CDC123: variants seen among roughly 807,000 people sequenced by gnomAD.
CDC123 encodes translation initiation factor eIF2 assembly protein.
CDC123 carries 37 observed loss-of-function variants against 54.4 expected under a neutral mutation model. That is an observed-to-expected ratio of 0.68 (90% confidence interval 0.52 to 0.89). The LOEUF (loss-of-function observed/expected upper bound fraction) is 0.89, where lower values mean the gene tolerates loss of function less well. CDC123 is among the 40% of genes least tolerant of loss of function. The pLI, the probability that CDC123 is intolerant of heterozygous loss-of-function variation, is 0.00. For synonymous variants in CDC123, 144 were observed against 136.8 expected, an observed-to-expected ratio of 1.05 and a Z score of -0.37; for missense variants, 361 against 412.1, an observed-to-expected ratio of 0.88 and a Z score of 1.07.
Position 12,196,307 on chromosome 10 carries a change from T to TTACCATCAAG in CDC123, c.63_72dup (p.Ser25TyrfsTer20). Reference sequence around the variant, plus strand: ...GCGTGGTACCCGTTCTTCCGAGGCGTTACCATCAAGAGGTGAGATGGGAGG... The same window carrying TTACCATCAAG: ...GCGTGGTACCCGTTCTTCCGAGGCGTTACCATCAAGTACCATCAAGAGGTGAGATGGGAGG... On this transcript the variant is annotated frameshift_variant, in exon 1 of 13. Transcript: ENST00000281141. LOFTEE classifies it high-confidence loss of function. The TTACCATCAAG allele has an allele frequency of 6.2e-7, 1 of 1,613,024 alleles. No homozygotes were observed. Among genetic ancestry groups the TTACCATCAAG allele is most frequent in the Non-Finnish European group, 8.5e-7 (1 of 1,179,450 alleles).
chr10:12,229,558 C>T (rs1835871239), intron 6 of CDC123, among the ~76,000 whole-genome samples: 1 of 152,204 alleles, frequency 6.6e-6, no homozygotes, highest in South Asian at 2.1e-4. Flanking sequence ...ACTACCACTC[C>T]CCTCCGACAC....
chr10:12,221,488 C>G (rs1456561448), intron 6 of CDC123, among the ~76,000 whole-genome samples: 1 of 152,172 alleles, frequency 6.6e-6, no homozygotes, highest in Non-Finnish European at 1.5e-5. Flanking sequence ...TCCTGGAGGC[C>G]TCCTGGGAGA....
chr10:12,210,632 A>G (rs1835584842), intron 4 of CDC123, among the ~76,000 whole-genome samples: 3 of 152,180 alleles, frequency 2.0e-5, no homozygotes, highest in Non-Finnish European at 4.4e-5. Flanking sequence ...TGAGATTCCT[A>G]AATCTCTGGA....
chr10:12,247,726 A>G (rs1836174594), intron 11 of CDC123: 1 of 152,250 alleles, frequency 6.6e-6, no homozygotes, highest in African/African-American at 2.4e-5. Flanking sequence ...TCCTGAAACA[A>G]CTTTGTAGTG....
chr10:12,226,575 G>C (rs1049250372), intron 6 of CDC123, among the ~76,000 whole-genome samples: 11 of 151,292 alleles, frequency 7.3e-5, no homozygotes, highest in Non-Finnish European at 1.5e-4. Flanking sequence ...TCAGTTCCCA[G>C]ACAGCGTCGC....
intron 6 of CDC123, among the ~76,000 whole-genome samples, chr10:12,225,678 T>G (rs1239979958): frequency 6.6e-6 from 1 of 150,952 alleles, no homozygotes; most frequent in East Asian, 2.0e-4. Context: ...TGCCATTTAC[T>G]GCTGAGGCAA....
chr10:12,226,199 T>C (rs952122066), intron 6 of CDC123, among the ~76,000 whole-genome samples: 11 of 152,230 alleles, frequency 7.2e-5, no homozygotes, highest in African/African-American at 9.6e-5. Flanking sequence ...TTCTCTTTCC[T>C]TTCCCCACAC....
chr10:12,235,035 C>G lies in CDC123; in HGVS notation c.490-13C>G. 6.2e-7 allele frequency: 1 copy of G among 1,609,228 alleles called. No individual in the cohort carries two copies. The highest frequency in any genetic ancestry group is 8.5e-7 in the Non-Finnish European group (1 of 1,176,370). ...AGGTGTGTTATATTAAATATTTTTTCTTTTGTTTACAGCTCGTTCTCCGAA... is the reference window on the plus strand; with the variant it reads ...AGGTGTGTTATATTAAATATTTTTTGTTTTGTTTACAGCTCGTTCTCCGAA... On this transcript the variant is annotated splice_polypyrimidine_tract_variant and intron_variant, in intron 7 of 12. Coordinates refer to ENST00000281141, the MANE Select transcript of CDC123 (RefSeq NM_006023.3).
At chr10:12,226,093 A>C (rs1326683499) in intron 6 of CDC123, among the ~76,000 whole-genome samples, 1 of 152,156 alleles carries the variant, frequency 6.6e-6, no homozygotes, top group Non-Finnish European at 1.5e-5. Context: ...GTTATAGATT[A>C]ACAGCATCCC....
Position 12,235,130 on chromosome 10 carries a change from T to TTTTG in CDC123, c.565+23_565+26dup, listed in dbSNP as rs752968586. On this transcript the variant is annotated splice_region_variant and intron_variant, in intron 8 of 12. Coordinates refer to ENST00000281141, the MANE Select transcript of CDC123 (RefSeq NM_006023.3). ...AAGGAAAACAAGCTTATTGGTGAGT[T>TTTTG]TTTGTTTGTTTGTTTGTTTTATCCT... The TTTTG allele has an allele frequency of 6.8e-6, 11 of 1,606,038 alleles. No homozygotes were observed. The highest frequency in any genetic ancestry group is 2.8e-5 in the African/African-American group (2 of 72,242).
intron 2 of CDC123, 161 bp downstream of exon 2, chr10:12,198,937 A>G (rs1347878774): frequency 1.8e-6 from 1 of 543,758 alleles, no homozygotes; most frequent in Non-Finnish European, 3.3e-6. Context: ...TGTTCACTTA[A>G]TATTTTCAAC....
At chr10:12,247,860 CG>C (rs1438021826) in intron 11 of CDC123, 1 of 152,004 alleles carries the variant, frequency 6.6e-6, no homozygotes, top group Non-Finnish European at 1.5e-5. Flanking sequence ...AAAAATTAGC[CG>C]GGCGTGGTGG....
chr10:12,210,426 C>G, intron 4 of CDC123, 104 bp downstream of exon 4: 1 of 1,346,994 alleles, frequency 7.4e-7, no homozygotes, highest in Non-Finnish European at 1.0e-6. Context: ...AGTCAGTCAC[C>G]ATCTCATATA....
At chr10:12,215,895 C>A in intron 5 of CDC123, 60 bp downstream of exon 5, 1 of 1,072,400 alleles carries the variant, frequency 9.3e-7, no homozygotes, top group Non-Finnish European at 1.4e-6. Flanking sequence ...CTGTTTATTT[C>A]ATTTCATATC....
chr10:12,228,781 G>T (rs186683763), intron 6 of CDC123, among the ~76,000 whole-genome samples: 2 of 152,284 alleles, frequency 1.3e-5, no homozygotes, highest in East Asian at 3.9e-4. Flanking sequence ...TGTTGGTTAG[G>T]CTGGTCTCGA....
At chr10:12,237,466 A>T (rs565192438) in intron 9 of CDC123, 200 bp downstream of exon 9, 22 of 341,774 alleles carry the variant, frequency 6.4e-5, no homozygotes, top group African/African-American at 4.6e-4. Flanking sequence ...AGACAGTCTT[A>T]CTCTGTCAGC....
intron 7 of CDC123, 26 bp from the exon 8 acceptor site, chr10:12,235,021 AT>A (rs1463673487): frequency 6.3e-7 from 1 of 1,580,656 alleles, no homozygotes; most frequent in Non-Finnish European, 8.7e-7. Context: ...GGTGTGTTAT[AT>A]TAAATATTTT....
At chr10:12,230,003 C>T (rs1411405299) in intron 6 of CDC123, among the ~76,000 whole-genome samples, 1 of 152,132 alleles carries the variant, frequency 6.6e-6, no homozygotes, top group East Asian at 1.9e-4. Context: ...AGGGGTTAGA[C>T]AGTTTGAGTC....
intron 4 of CDC123, among the ~76,000 whole-genome samples, chr10:12,211,174 A>G (rs1263085986): frequency 5.9e-5 from 9 of 152,224 alleles, no homozygotes; most frequent in Non-Finnish European, 1.2e-4. Flanking sequence ...AAATGAAGGT[A>G]TTTTTAAAGG....
Sources: allele counts gnomAD v4.1 joint callset (sites outside exome capture counted in the v4.1 genomes callset), GRCh38; gene constraint gnomAD v4.1.1; transcripts MANE v1.5; gene names NCBI Gene and HGNC (gene_info 2026-07-23, HGNC 2026-07-21).